MARK3: variants seen among roughly 807,000 people sequenced by gnomAD.
MARK3 encodes MAP/microtubule affinity-regulating kinase 3.
A neutral mutation model predicts 90.1 loss-of-function variants in MARK3; 46 were observed. The ratio of observed to expected loss-of-function variants is 0.51; its 90% CI spans 0.40 to 0.65. The LOEUF (loss-of-function observed/expected upper bound fraction) is 0.65. MARK3 is among the 30% of genes least tolerant of loss of function. The pLI is 0.00. For synonymous variants in MARK3, 321 were observed against 332.6 expected (o/e 0.97, Z 0.38); for missense variants, 818 against 947.2 (o/e 0.86, Z 1.79).
intron 14 of MARK3, 131 bp downstream of exon 14, chr14:103,480,621 T>A (rs987263815): frequency 5.1e-6 from 3 of 591,408 alleles, no homozygotes; most frequent in Non-Finnish European, 9.0e-6. Flanking sequence ...TAAGTTAAAT[T>A]TGTATACTAA....
At chr14:103,443,975 G>A (rs2092926582) in intron 3 of MARK3, among the ~76,000 whole-genome samples, 1 of 151,948 alleles carries the variant, frequency 6.6e-6, no homozygotes, top group African/African-American at 2.4e-5. Context: ...TGTATCTGGA[G>A]AAGGGAGCCT....
intron 17 of MARK3, among the ~76,000 whole-genome samples, chr14:103,502,586 G>A (rs529119117): frequency 4.7e-4 from 71 of 152,340 alleles, no homozygotes; most frequent in Non-Finnish European, 9.0e-4. Context: ...TGTCCTTTTT[G>A]CCTGATTTCC....
At chr14:103,501,930 G>GC (rs1459158996) in intron 17 of MARK3, among the ~76,000 whole-genome samples, 1 of 152,162 alleles carries the variant, frequency 6.6e-6, no homozygotes, top group Non-Finnish European at 1.5e-5. Flanking sequence ...AAAAGCTGTA[G>GC]CCCCTCACCT....
intron 12 of MARK3, among the ~76,000 whole-genome samples, chr14:103,474,634 A>C (rs538472623): frequency 1.4e-4 from 22 of 152,244 alleles, no homozygotes; most frequent in Non-Finnish European, 2.5e-4. Context: ...ACAAAAGAGG[A>C]TGTAATTCAC....
At chr14:103,403,281 A>AC (rs2091072112) in intron 1 of MARK3, among the ~76,000 whole-genome samples, 1 of 151,660 alleles carries the variant, frequency 6.6e-6, no homozygotes, top group Non-Finnish European at 1.5e-5. Flanking sequence ...GGGGATATGG[A>AC]CTGCTTTATG....
intron 6 of MARK3, among the ~76,000 whole-genome samples, chr14:103,459,971 C>T (rs956577500): frequency 1.3e-5 from 2 of 149,202 alleles, no homozygotes; most frequent in Admixed American, 6.7e-5. Flanking sequence ...TTTTCCCCTT[C>T]TGCTTCCTTC....
intron 2 of MARK3, among the ~76,000 whole-genome samples, chr14:103,418,004 G>C (rs2092024898): frequency 6.6e-6 from 1 of 152,106 alleles, no homozygotes; most frequent in African/African-American, 2.4e-5. Flanking sequence ...GGGAGGCAGA[G>C]GTTGCAGTGA....
chr14:103,460,080 T>A (rs1315619151), intron 6 of MARK3, among the ~76,000 whole-genome samples: 1 of 76,998 alleles, frequency 1.3e-5, no homozygotes, highest in African/African-American at 4.2e-5. Flanking sequence ...CATCTTTTTT[T>A]TTTTTTTTTT....
At chr14:103,479,447 T>C (rs1304409601) in intron 13 of MARK3, among the ~76,000 whole-genome samples, 1 of 152,194 alleles carries the variant, frequency 6.6e-6, no homozygotes, top group African/African-American at 2.4e-5. Context: ...ACTGTACCAT[T>C]TTATCCAGCA....
At chr14:103,411,191 A>G (rs957476146) in intron 2 of MARK3, among the ~76,000 whole-genome samples, 3 of 152,090 alleles carry the variant, frequency 2.0e-5, no homozygotes, top group Non-Finnish European at 4.4e-5. Flanking sequence ...GGAGAATGGC[A>G]TGAACCCGGG....
chr14:103,475,713 G>A (rs541768271), intron 13 of MARK3, among the ~76,000 whole-genome samples: 20 of 152,290 alleles, frequency 1.3e-4, no homozygotes, highest in East Asian at 7.7e-4. Flanking sequence ...TTGGGAGGCC[G>A]AGGTGGGTAG....
chr14:103,397,706 G>A (rs372936709), intron 1 of MARK3, among the ~76,000 whole-genome samples: 5 of 152,022 alleles, frequency 3.3e-5, no homozygotes, highest in African/African-American at 4.8e-5. Context: ...ATTTTTCACC[G>A]TATTACATTA....
At chr14:103,472,647 CA>C (rs71126028) in intron 12 of MARK3, among the ~76,000 whole-genome samples, 60,644 of 72,540 alleles carry the variant, frequency 0.84, 24,834 homozygotes, top group South Asian at 0.91. Context: ...GGCTCCATCT[CA>C]AAAAAAAAAA....
intron 5 of MARK3, among the ~76,000 whole-genome samples, chr14:103,456,450 T>C (rs566276839): frequency 6.6e-6 from 1 of 152,294 alleles, no homozygotes; most frequent in East Asian, 1.9e-4. Context: ...CCCTGTGGCC[T>C]TCTTGCTCTT....
Position 103,451,682 on chromosome 14 carries a change from A to G in MARK3, c.347-236A>G, listed in dbSNP as rs138748816. 2.9e-3 allele frequency among the ~76,000 whole-genome samples: 440 copies of G among 152,328 alleles called. 2 individuals carry two copies. The highest frequency in any genetic ancestry group is 9.5e-3 in the African/African-American group (394 of 41,578). The stretch of plus-strand genomic sequence containing the variant: ...TACACCTTGCTGGACTGCTGAGCAC[A>G]TATGGAAGTCACACTGAACATTCAG... On this transcript the variant is annotated intron_variant, in intron 4 of 17. Transcript: ENST00000429436.
chr14:103,459,496 G>T (rs192548205), intron 6 of MARK3, among the ~76,000 whole-genome samples: 179 of 151,906 alleles, frequency 1.2e-3, no homozygotes, highest in African/African-American at 3.9e-3. Flanking sequence ...AAATGCTGTG[G>T]TTTCTTTGTT....
intron 15 of MARK3, among the ~76,000 whole-genome samples, chr14:103,496,619 G>T (rs904147952): frequency 2.0e-5 from 3 of 151,872 alleles, no homozygotes; most frequent in African/African-American, 4.8e-5. Context: ...CACCATGTTG[G>T]CCAGGCTGGT....
chr14:103,415,150 C>CA (rs34245934), intron 2 of MARK3, among the ~76,000 whole-genome samples: 1,273 of 37,636 alleles, frequency 0.034, 133 homozygotes, highest in African/African-American at 0.071. Context: ...GACCTTGTCT[C>CA]AAAAAAAAAA....
In MARK3 at chr14:103,502,898, G is replaced by A. The variant is rs1264915485; in HGVS notation, c.1933G>A (p.Glu645Lys). The A allele has an allele frequency of 6.2e-7, 1 of 1,611,606 alleles. No individual in the cohort carries two copies. The highest frequency in any genetic ancestry group is 1.1e-5 in the South Asian group (1 of 91,026). ...YEGSSRNVSA[E>K]QKDENKEAKP... ...GCATTTCAGTCGCAATGTATCTGCT[G>A]AGCAAAAAGATGAAAACAAAGAAGC... The change falls in exon 18 of 18, where the codon GAG becomes AAG. Residue 645 changes from glutamate (E) to lysine (K), a missense_variant. Glu to Lys is a moderately conservative substitution (Grantham distance 56). Transcript: ENST00000429436.
Sources: allele counts gnomAD v4.1 joint callset (sites outside exome capture counted in the v4.1 genomes callset), GRCh38; gene constraint gnomAD v4.1.1; transcripts MANE v1.5; gene names NCBI Gene and HGNC (gene_info 2026-07-23, HGNC 2026-07-21).